ZNF536: variants seen among roughly 807,000 people sequenced by gnomAD.
The protein encoded by ZNF536 is zinc finger protein 536.
Under a neutral mutation model 84.5 loss-of-function variants are expected in ZNF536, and 13 were observed. The observed-to-expected ratio is 0.15, with a 90% CI of 0.10 to 0.24. The LOEUF is 0.24. Among genes scored for constraint, ZNF536 ranks in the 10% least tolerant of loss-of-function variants. The pLI is 1.00. For synonymous variants in ZNF536, 811 were observed against 742.5 expected (o/e 1.09, Z -1.50); for missense variants, 1,536 against 1,747.5 (o/e 0.88, Z 2.16).
chr19:30,672,530 A>G (rs1322153431), intron 1 of ZNF536, among the ~76,000 whole-genome samples: 1 of 152,224 alleles, frequency 6.6e-6, no homozygotes, highest in Admixed American at 6.5e-5. Context: ...AATCTGAAAG[A>G]TGGGGTCTGC....
At chr19:30,644,820 A>G (rs1306798267) in intron 1 of ZNF536, among the ~76,000 whole-genome samples, 1 of 152,232 alleles carries the variant, frequency 6.6e-6, no homozygotes, top group Non-Finnish European at 1.5e-5. Flanking sequence ...TAGTGCCTCA[A>G]TAAACATACG....
At chr19:30,496,660 C>G (rs945749036) in intron 2 of ZNF536, among the ~76,000 whole-genome samples, 1 of 151,998 alleles carries the variant, frequency 6.6e-6, no homozygotes, top group African/African-American at 2.4e-5. Context: ...AATGACATTC[C>G]GGAGGTAAAG....
At chr19:30,236,672 A>G (rs2023543025) in intron 1 of ZNF536, among the ~76,000 whole-genome samples, 1 of 152,154 alleles carries the variant, frequency 6.6e-6, no homozygotes, top group Non-Finnish European at 1.5e-5. Context: ...TTCCCCTTTA[A>G]TAACTACTGC....
chr19:30,661,762 A>C (rs1251033965), intron 1 of ZNF536, among the ~76,000 whole-genome samples: 1 of 152,266 alleles, frequency 6.6e-6, no homozygotes, highest in African/African-American at 2.4e-5. Flanking sequence ...TATATTGCAG[A>C]GGAATAATTA....
At chr19:30,465,212 G>A (rs1346957802) in intron 2 of ZNF536, among the ~76,000 whole-genome samples, 1 of 152,078 alleles carries the variant, frequency 6.6e-6, no homozygotes, top group African/African-American at 2.4e-5. Context: ...CCCTGTAGTG[G>A]CCTCAGCATT....
chr19:30,569,665 G>C lies in ZNF536; in HGVS notation c.169+20151G>C, dbSNP rs187921478. On this transcript the variant is annotated intron_variant, in intron 1 of 1. Coordinates refer to the ZNF536 transcript ENST00000592773. ...CACTCACTGCAACTTCTGCCTCCTG[G>C]GTTCAAGTGATTCTCTTGCCTCCGC... is the stretch of plus-strand genomic sequence containing the variant. Among the ~76,000 whole-genome samples the C allele has an allele frequency of 4.9e-3, 706 of 144,348 alleles. 5 individuals carry two copies. The highest frequency in any genetic ancestry group is 0.018 in the African/African-American group (687 of 38,766). 94.7% of individuals were successfully genotyped at this position (144,348 alleles called of 152,430 possible).
At chr19:30,634,309 T>C (rs2048989072) in intron 1 of ZNF536, among the ~76,000 whole-genome samples, 1 of 152,208 alleles carries the variant, frequency 6.6e-6, no homozygotes, top group African/African-American at 2.4e-5. Flanking sequence ...CAAAGTGATA[T>C]ATTGTATCAA....
chr19:30,466,786 A>G (rs548259176), intron 2 of ZNF536, among the ~76,000 whole-genome samples: 2 of 125,272 alleles, frequency 1.6e-5, no homozygotes, highest in African/African-American at 3.3e-5. Context: ...GGAAGGAAGG[A>G]AGGAAGGAAG....
rs111934256 is a variant in ZNF536 at position 30,480,233 on chromosome 19, C to T, written c.2170+34501C>T. On this transcript the variant is annotated intron_variant, in intron 2 of 4. Coordinates refer to ENST00000355537, the MANE Select transcript of ZNF536 (RefSeq NM_014717.3). ...CTTCCTGACAGTCTTTGTCATCCATCTCAGGCTCCCGTGGGTCAACAGGTC... is the reference window on the plus strand; with the variant it reads ...CTTCCTGACAGTCTTTGTCATCCATTTCAGGCTCCCGTGGGTCAACAGGTC... Among the ~76,000 whole-genome samples the T allele has an allele frequency of 7.4e-3, 1,120 of 152,246 alleles. 11 individuals carry two copies. The highest frequency in any genetic ancestry group is 0.025 in the African/African-American group (1,050 of 41,522).
intron 1 of ZNF536, among the ~76,000 whole-genome samples, chr19:30,686,835 A>G (rs1455334435): frequency 6.6e-6 from 1 of 151,940 alleles, no homozygotes; most frequent in Non-Finnish European, 1.5e-5. Flanking sequence ...TCAGTCTCCG[A>G]TTATGAATCG....
Position 30,380,270 on chromosome 19 carries a change from C to T in ZNF536, c.-3+7714C>T, listed in dbSNP as rs1021634706. Among the ~76,000 whole-genome samples, 3 of 152,118 alleles carry T rather than the reference C, an allele frequency of 2.0e-5. No individual in the cohort carries two copies. The East Asian group carries it at 5.8e-4, about 29-fold the overall frequency. ...ACAATTGCACCCCCTAATTAGCCAG[C>T]CTTAGGCACTACTTGTTGCCTGCAT... On this transcript the variant is annotated intron_variant, in intron 1 of 4. Transcript: ENST00000355537.
At chr19:30,607,039 ATC>A (rs1157680555) in intron 1 of ZNF536, among the ~76,000 whole-genome samples, 1 of 152,198 alleles carries the variant, frequency 6.6e-6, no homozygotes, top group Non-Finnish European at 1.5e-5. Context: ...CAACCTGGCT[ATC>A]TCTGCACAAT....
At chr19:30,346,769 A>G (rs1487736030) in intron 2 of ZNF536, among the ~76,000 whole-genome samples, 2 of 152,208 alleles carry the variant, frequency 1.3e-5, no homozygotes, top group African/African-American at 4.8e-5. Context: ...GGTTGATTCC[A>G]TGAGTTTGCT....
chr19:30,693,444 G>A (rs549447513), intron 1 of ZNF536, among the ~76,000 whole-genome samples: 64 of 152,232 alleles, frequency 4.2e-4, no homozygotes, highest in African/African-American at 1.4e-3. Context: ...AGCTGGGTGC[G>A]GACATCTGTC....
At chr19:30,634,834 G>C (rs1363884165) in intron 1 of ZNF536, among the ~76,000 whole-genome samples, 1 of 152,022 alleles carries the variant, frequency 6.6e-6, no homozygotes, top group Non-Finnish European at 1.5e-5. Flanking sequence ...AGCAGAGCCA[G>C]AGCCATGAGT....
intron 1 of ZNF536, among the ~76,000 whole-genome samples, chr19:30,278,164 C>T (rs747041020): frequency 2.1e-4 from 32 of 152,302 alleles, no homozygotes; most frequent in South Asian, 6.2e-4. Context: ...CATGCCATGC[C>T]ACGTGGGGAT....
At chr19:30,679,584 T>A (rs574628840) in intron 1 of ZNF536, among the ~76,000 whole-genome samples, 1 of 152,158 alleles carries the variant, frequency 6.6e-6, no homozygotes, top group Admixed American at 6.5e-5. Flanking sequence ...CCTCTTTACA[T>A]CCAGGAGGCA....
Position 30,514,048 on chromosome 19 carries a change from A to G in ZNF536, c.2171-20799A>G, listed in dbSNP as rs868679392. The stretch of plus-strand genomic sequence containing the variant: ...CCAGCTCAGTGAGACCTGGCGAGCC[A>G]GGTCCTGTTTCTACCTGCCTCAGAG... On this transcript the variant is annotated intron_variant, in intron 2 of 4. Transcript: ENST00000355537. Among the ~76,000 whole-genome samples the G allele has an allele frequency of 2.6e-5, 4 of 152,296 alleles. No individual in the cohort carries two copies. The South Asian group carries it at 8.3e-4, about 32-fold the overall frequency.
intron 2 of ZNF536, among the ~76,000 whole-genome samples, chr19:30,462,160 A>G (rs978575863): frequency 6.6e-6 from 1 of 152,194 alleles, no homozygotes; most frequent in Admixed American, 6.5e-5. Flanking sequence ...CACATGCAGC[A>G]GGAAGCTTGG....
Sources: gnomAD v4.1 joint callset for allele counts (sites outside exome capture counted in the v4.1 genomes callset) on GRCh38, gnomAD v4.1.1 for gene constraint, MANE v1.5 for transcripts, NCBI Gene and HGNC (gene_info 2026-07-23, HGNC 2026-07-21) for gene names.